The following GRIN2A variants were observed in gnomAD, a reference collection of about 807,000 sequenced individuals.
The protein encoded by GRIN2A is glutamate ionotropic receptor NMDA type subunit 2A.
GRIN2A carries 22 observed loss-of-function variants against 113.4 expected under a neutral mutation model. The ratio of observed to expected loss-of-function variants is 0.19; its 90% confidence interval spans 0.14 to 0.28. The LOEUF (loss-of-function observed/expected upper bound fraction) is 0.28, where lower values mean the gene tolerates loss of function less well. Among genes scored for constraint, GRIN2A ranks in the 10% least tolerant of loss-of-function variants. GRIN2A has a pLI of 1.00. For synonymous variants in GRIN2A, 827 were observed against 738.4 expected (o/e 1.12, Z -1.94); for missense variants, 1,502 against 1,887.0 (o/e 0.80, Z 3.78).
intron 3 of GRIN2A, among the ~76,000 whole-genome samples, chr16:9,915,906 C>G (rs943090534): frequency 6.6e-6 from 1 of 152,214 alleles, no homozygotes; most frequent in Admixed American, 6.5e-5. Context: ...CAGACACACT[C>G]TAGGCACTTG....
chr16:9,950,610 A>G (rs1166363387), intron 2 of GRIN2A, among the ~76,000 whole-genome samples: 2 of 152,244 alleles, frequency 1.3e-5, no homozygotes, highest in Non-Finnish European at 2.9e-5. Context: ...GCTACTAAGC[A>G]GATAGCAAAC....
chr16:9,930,106 G>C (rs1301554176), intron 3 of GRIN2A, among the ~76,000 whole-genome samples: 1 of 152,172 alleles, frequency 6.6e-6, no homozygotes, highest in Non-Finnish European at 1.5e-5. Context: ...ATGCTGAAGA[G>C]AGGCTGTTGA....
intron 2 of GRIN2A, among the ~76,000 whole-genome samples, chr16:10,133,392 G>A (rs1308032624): frequency 1.3e-5 from 2 of 152,212 alleles, no homozygotes; most frequent in East Asian, 3.9e-4. Flanking sequence ...TGGATCACCT[G>A]AGGTCAGGAG....
chr16:10,126,854 A>G (rs1291685292), intron 2 of GRIN2A, among the ~76,000 whole-genome samples: 6 of 152,184 alleles, frequency 3.9e-5, no homozygotes, highest in Non-Finnish European at 8.8e-5. Flanking sequence ...TTCTGCTTTT[A>G]TAAACCTTGT....
chr16:10,140,301 C>G (rs897041280), intron 2 of GRIN2A, among the ~76,000 whole-genome samples: 2 of 151,882 alleles, frequency 1.3e-5, no homozygotes, highest in Non-Finnish European at 2.9e-5. Context: ...CGATAAAAAG[C>G]CGCAGGATAA....
rs1265165634 is a variant in GRIN2A, at chr16:9,834,171, T to C, written c.1711A>G (p.Ile571Val). 1 of 1,613,610 alleles carries C rather than the reference T, an allele frequency of 6.2e-7. No homozygotes were observed. Among genetic ancestry groups the C allele is most frequent in the Non-Finnish European group, 8.5e-7 (1 of 1,179,508 alleles). ...AAGTATTCAAAGACAAAAACAGCTATGGCAGAAACAATGAGCAGCATCACA... is the reference window on the plus strand; with the variant it reads ...AAGTATTCAAAGACAAAAACAGCTACGGCAGAAACAATGAGCAGCATCACA... ...MFVMLLIVSAIAVFVFEYFSP... is the reference protein window; with the variant it reads ...MFVMLLIVSAVAVFVFEYFSP... Residue 571 changes from isoleucine to valine, a missense_variant, in exon 8 of 13, where the codon ATA (isoleucine) becomes GTA (valine). Around this residue, in one of 7 missense-constraint regions of GRIN2A, gnomAD observed 82 missense variants for 222.7 expected, o/e 0.37. Coordinates refer to ENST00000330684, the MANE Select transcript of GRIN2A (RefSeq NM_001134407.3).
intron 10 of GRIN2A, among the ~76,000 whole-genome samples, chr16:9,818,200 G>A (rs1333622609): frequency 6.6e-6 from 1 of 152,002 alleles, no homozygotes; most frequent in African/African-American, 2.4e-5. Context: ...GTCTCGTGGT[G>A]GGACGTTGAG....
intron 4 of GRIN2A, among the ~76,000 whole-genome samples, chr16:9,855,939 GC>G (rs1217976657): frequency 1.3e-5 from 2 of 152,180 alleles, no homozygotes; most frequent in Non-Finnish European, 2.9e-5. Flanking sequence ...CTCAAAGCTG[GC>G]TCTTCCTCAT....
intron 3 of GRIN2A, among the ~76,000 whole-genome samples, chr16:9,926,183 C>T (rs987635055): frequency 1.1e-4 from 16 of 152,196 alleles, no homozygotes; most frequent in African/African-American, 3.9e-4. Flanking sequence ...TAGGCACAAA[C>T]AACTCAAATT....
At chr16:10,040,064 C>CACCA (rs1567254484) in intron 2 of GRIN2A, among the ~76,000 whole-genome samples, 1 of 150,046 alleles carries the variant, frequency 6.7e-6, no homozygotes, top group African/African-American at 2.5e-5. Context: ...CATAAATACA[C>CACCA]TACACACATC....
At chr16:9,859,643 C>CACAG (rs144711120) in intron 4 of GRIN2A, among the ~76,000 whole-genome samples, 95 of 147,008 alleles carry the variant, frequency 6.5e-4, no homozygotes, top group African/African-American at 2.1e-3. Flanking sequence ...CACACACACA[C>CACAG]AGAGAGGATA....
At chr16:10,090,925 TA>T (rs1245633055) in intron 2 of GRIN2A, among the ~76,000 whole-genome samples, 3 of 151,958 alleles carry the variant, frequency 2.0e-5, no homozygotes, top group African/African-American at 7.3e-5. Context: ...ACATGGCCAA[TA>T]AGAAATGAAA....
chr16:10,176,365 A>T (rs1319681661), intron 2 of GRIN2A, among the ~76,000 whole-genome samples: 1 of 152,184 alleles, frequency 6.6e-6, no homozygotes, highest in Non-Finnish European at 1.5e-5. Context: ...GCAAAACATT[A>T]GCACCTCCAT....
At chr16:10,031,927 T>C (rs549396854) in intron 2 of GRIN2A, among the ~76,000 whole-genome samples, 2 of 152,252 alleles carry the variant, frequency 1.3e-5, no homozygotes, top group African/African-American at 4.8e-5. Context: ...CTCTTTCCAC[T>C]TCCTGCAATG....
At chr16:9,902,440 G>A (rs987697712) in intron 3 of GRIN2A, among the ~76,000 whole-genome samples, 3 of 152,118 alleles carry the variant, frequency 2.0e-5, no homozygotes, top group Admixed American at 6.5e-5. Context: ...CCTGGGTCCC[G>A]GACACTGTGG....
At chr16:10,111,366 G>T (rs887849994) in intron 2 of GRIN2A, 6 of 440,836 alleles carry the variant, frequency 1.4e-5, no homozygotes, top group African/African-American at 1.0e-4. Context: ...GTCGCTTCGC[G>T]GGGCCTTGCG....
chr16:9,955,744 A>T (rs977543229), intron 2 of GRIN2A, among the ~76,000 whole-genome samples: 1 of 152,216 alleles, frequency 6.6e-6, no homozygotes, highest in African/African-American at 2.4e-5. Context: ...GTTTTGGTTT[A>T]CTAGTTTACT....
Position 9,829,458 on chromosome 16 carries a change from A to G in GRIN2A, c.1972T>C (p.Phe658Leu), listed in dbSNP as rs2042447271. The G allele has an allele frequency of 6.2e-7, 1 of 1,613,916 alleles. No individual in the cohort carries two copies. Among genetic ancestry groups the G allele is most frequent in the Non-Finnish European group, 8.5e-7 (1 of 1,179,884 alleles). The stretch of plus-strand genomic sequence containing the variant: ...CTGAGGCCGGTCACTTGGTCCACAA[A>G]TTCCTCTTGGATCATGAAGGCAGCC... ...NLAAFMIQEE[F>L]VDQVTGLSDK... The change falls in exon 9 of 13, where the codon TTT (phenylalanine) becomes CTT (leucine). Residue 658 changes from phenylalanine to leucine, a missense_variant. Transcript: ENST00000330684.
chr16:9,776,214 G>A (rs949101193), intron 11 of GRIN2A, among the ~76,000 whole-genome samples: 1 of 151,712 alleles, frequency 6.6e-6, no homozygotes, highest in African/African-American at 2.4e-5. Flanking sequence ...CCTTCAGGAA[G>A]TCTTCCCTGA....
Sources: gnomAD v4.1 joint callset for allele counts (sites outside exome capture counted in the v4.1 genomes callset) on GRCh38, gnomAD v4.1.1 for gene constraint, gnomAD v4.1.1 regional missense constraint, MANE v1.5 for transcripts, NCBI Gene and HGNC (gene_info 2026-07-23, HGNC 2026-07-21) for gene names.